Variants in ASAP1 observed in about 807,000 individuals in gnomAD.
The protein encoded by ASAP1 is arf-GAP with SH3 domain, ANK repeat and PH domain-containing protein 1.
ASAP1 carries 43 observed loss-of-function variants against 145.2 expected under a neutral mutation model. The ratio of observed to expected loss-of-function variants is 0.30; its 90% CI spans 0.23 to 0.38. ASAP1 has a LOEUF of 0.38. ASAP1 is among the 10% of genes least tolerant of loss of function. The pLI, the probability that ASAP1 is intolerant of heterozygous loss-of-function variation, is 1.00. For missense variants in ASAP1, 1,018 were observed against 1,355.3 expected (o/e 0.75, Z 3.91); for synonymous variants, 546 against 515.5 (o/e 1.06, Z -0.80).
chr8:130,096,035 A>G (rs988609187), intron 24 of ASAP1, among the ~76,000 whole-genome samples: 1 of 152,222 alleles, frequency 6.6e-6, no homozygotes, highest in African/African-American at 2.4e-5. Context: ...ATTCAAGTTT[A>G]TAATCTTACA....
chr8:130,351,998 G>C (rs1342850570), intron 3 of ASAP1, among the ~76,000 whole-genome samples: 2 of 152,180 alleles, frequency 1.3e-5, no homozygotes, highest in Non-Finnish European at 2.9e-5. Context: ...ACCTTTGCTG[G>C]TTTCATCCAG....
At chr8:130,201,521 T>C (rs557808015) in intron 5 of ASAP1, among the ~76,000 whole-genome samples, 2 of 152,360 alleles carry the variant, frequency 1.3e-5, no homozygotes, top group South Asian at 4.1e-4. Flanking sequence ...AGATTTAACA[T>C]CATCTCCTAC....
At chr8:130,406,630 T>C (rs1829043434) in intron 1 of ASAP1, among the ~76,000 whole-genome samples, 1 of 152,048 alleles carries the variant, frequency 6.6e-6, no homozygotes, top group Non-Finnish European at 1.5e-5. Context: ...TACAGGCATG[T>C]GCCACCATGC....
intron 4 of ASAP1, among the ~76,000 whole-genome samples, chr8:130,232,991 A>C (rs548836321): frequency 6.6e-6 from 1 of 152,314 alleles, no homozygotes; most frequent in South Asian, 2.1e-4. Flanking sequence ...AAGCTATGCA[A>C]CACCACTGTT....
chr8:130,258,096 A>C (rs938287863), intron 3 of ASAP1, among the ~76,000 whole-genome samples: 1 of 152,228 alleles, frequency 6.6e-6, no homozygotes, highest in Non-Finnish European at 1.5e-5. Flanking sequence ...TTCCAGCAAC[A>C]ACAGTCAGTG....
chr8:130,057,216 G>A (rs527378660), intron 29 of ASAP1, among the ~76,000 whole-genome samples: 114 of 152,158 alleles, frequency 7.5e-4, no homozygotes, highest in Non-Finnish European at 9.4e-4. Context: ...TCCCAGCCTG[G>A]GGACAGTGTG....
At chr8:130,311,528 A>G (rs1012307830) in intron 3 of ASAP1, among the ~76,000 whole-genome samples, 1 of 152,154 alleles carries the variant, frequency 6.6e-6, no homozygotes, top group African/African-American at 2.4e-5. Context: ...TTGGGAGGCC[A>G]AGGCGGGAGG....
intron 12 of ASAP1, 45 bp downstream of exon 12, chr8:130,159,819 C>T (rs1387678197): frequency 1.4e-6 from 2 of 1,478,360 alleles, no homozygotes; most frequent in Non-Finnish European, 1.9e-6. Context: ...GAAACATTTT[C>T]TAGGTTAATC....
chr8:130,099,700 T>TTTTTTTTTTG (rs35874860), intron 24 of ASAP1, among the ~76,000 whole-genome samples: 1 of 125,124 alleles, frequency 8.0e-6, no homozygotes, highest in Non-Finnish European at 1.6e-5. Flanking sequence ...TTTTTTTTTT[T>TTTTTTTTTTG]GAGACAGAGT....
intron 3 of ASAP1, among the ~76,000 whole-genome samples, chr8:130,252,157 A>C (rs1374124958): frequency 6.6e-6 from 1 of 152,230 alleles, no homozygotes; most frequent in Non-Finnish European, 1.5e-5. Context: ...CTCTATGGTT[A>C]CTAAAAATTA....
chr8:130,241,040 G>C (rs1224073160), intron 3 of ASAP1, among the ~76,000 whole-genome samples: 1 of 152,094 alleles, frequency 6.6e-6, no homozygotes, highest in African/African-American at 2.4e-5. Flanking sequence ...ACCTCTCCAG[G>C]CCGAGTGGTA....
intron 2 of ASAP1, among the ~76,000 whole-genome samples, chr8:130,373,639 G>C (rs1220709853): frequency 6.6e-6 from 1 of 151,808 alleles, no homozygotes; most frequent in Non-Finnish European, 1.5e-5. Context: ...ACCTGAGTTT[G>C]GGAGTTTGAG....
At chr8:130,341,723 C>G (rs1012532459) in intron 3 of ASAP1, among the ~76,000 whole-genome samples, 1 of 152,090 alleles carries the variant, frequency 6.6e-6, no homozygotes, top group South Asian at 2.1e-4. Flanking sequence ...GTGAAGGACA[C>G]GTACCAAGTG....
chr8:130,325,548 T>G (rs1287227249), intron 3 of ASAP1, among the ~76,000 whole-genome samples: 1 of 152,250 alleles, frequency 6.6e-6, no homozygotes, highest in Non-Finnish European at 1.5e-5. Context: ...TCTGAATGAC[T>G]AGTTGAAGAT....
At chr8:130,152,897 A>G (rs1459312146) in intron 12 of ASAP1, 92 bp from the exon 13 acceptor site, 2 of 1,024,756 alleles carry the variant, frequency 2.0e-6, no homozygotes, top group Non-Finnish European at 2.7e-6. Flanking sequence ...TAATTACAAA[A>G]TAACTTCCCC....
chr8:130,251,078 C>A (rs1339638985), intron 3 of ASAP1, among the ~76,000 whole-genome samples: 5 of 152,088 alleles, frequency 3.3e-5, no homozygotes, highest in Non-Finnish European at 7.4e-5. Flanking sequence ...TATTTTTGCA[C>A]ACCTGCAGAA....
chr8:130,352,318 G>C (rs775465824), intron 3 of ASAP1, among the ~76,000 whole-genome samples: 1 of 150,766 alleles, frequency 6.6e-6, no homozygotes, highest in Admixed American at 6.6e-5. Context: ...AAGTTTACCA[G>C]CTTTTAAAAT....
At chr8:130,072,824 T>TGTGTGTGTGTGCGCGCGC in intron 27 of ASAP1, among the ~76,000 whole-genome samples, 22 of 32,308 alleles carry the variant, frequency 6.8e-4, no homozygotes, top group African/African-American at 1.3e-3. Flanking sequence ...TGTGTGTGTG[T>TGTGTGTGTGTGCGCGCGC]GCGCGCGGGG....
At chr8:130,193,131 G>A (rs1815253087) in intron 5 of ASAP1, among the ~76,000 whole-genome samples, 1 of 152,192 alleles carries the variant, frequency 6.6e-6, no homozygotes, top group Non-Finnish European at 1.5e-5. Flanking sequence ...CATTTTGGGA[G>A]GCCGAGGCGG....
Sources: allele counts gnomAD v4.1 joint callset (sites outside exome capture counted in the v4.1 genomes callset), GRCh38; gene constraint gnomAD v4.1.1; transcripts MANE v1.5; gene names NCBI Gene and HGNC (gene_info 2026-07-23, HGNC 2026-07-21).